Variants in CEP78 observed in about 807,000 individuals in gnomAD.
CEP78 encodes the protein centrosomal protein of 78 kDa.
A neutral mutation model predicts 81.2 loss-of-function variants in CEP78; 76 were observed. That is an observed-to-expected ratio of 0.94 (90% CI 0.78 to 1.13). The LOEUF (loss-of-function observed/expected upper bound fraction) is 1.13, where lower values mean the gene tolerates loss of function less well. CEP78 is among the 50% of genes most tolerant of loss of function. The pLI, the probability that CEP78 is intolerant of heterozygous loss-of-function variation, is 0.00. For synonymous variants in CEP78, 293 were observed against 301.4 expected (o/e 0.97, Z 0.29); for missense variants, 918 against 846.8 (o/e 1.08, Z -1.04).
rs1160938588 is a variant in CEP78, at chr9:78,273,981, T to C, written c.*3130T>C. 6.6e-6 allele frequency: 1 copy of C among 152,220 alleles called. No homozygotes were observed. The highest frequency in any genetic ancestry group is 1.5e-5 in the Non-Finnish European group (1 of 68,044). The allele number at this position is 152,220 out of a possible 1,614,324, so 9.4% of individuals were successfully genotyped here. On this transcript the variant is annotated 3_prime_UTR_variant, in exon 17 of 17. Transcript: ENST00000643273. ...AATGACTCAGTCACTCAAAACAGTT[T>C]GGCAGATTCTTTAAATGCTAACATA...
rs1042865485 is a variant in CEP78 at position 78,275,043 on chromosome 9, TAAAG to T, written c.*4196_*4199del. 1.3e-5 allele frequency: 2 copies of T among 151,658 alleles called. No individual in the cohort carries two copies. The highest frequency in any genetic ancestry group is 2.9e-5 in the Non-Finnish European group (2 of 67,878). 9.4% of individuals were successfully genotyped at this position (151,658 alleles called of 1,614,324 possible). On this transcript the variant is annotated 3_prime_UTR_variant, in exon 17 of 17. Transcript: ENST00000643273. ...AAAGATAAACCTTTGTAAAATATGA[TAAAG>T]AAAAAAAAGCAAGAAGTAATTAACA...
chr9:78,265,789 A>T, intron 14 of CEP78, 70 bp from the exon 15 acceptor site: 2 of 857,676 alleles, frequency 2.3e-6, no homozygotes, highest in Non-Finnish European at 3.8e-6. Flanking sequence ...CAGTGAAGAA[A>T]TGAAAGATTA....
intron 11 of CEP78, among the ~76,000 whole-genome samples, chr9:78,258,247 A>G (rs983884010): frequency 2.0e-5 from 3 of 152,298 alleles, no homozygotes; most frequent in East Asian, 3.9e-4. Flanking sequence ...TTAGAGTTGG[A>G]TCAGGGATTT....
chr9:78,260,986 C>G (rs1002925825), intron 11 of CEP78, among the ~76,000 whole-genome samples: 4 of 152,016 alleles, frequency 2.6e-5, no homozygotes, highest in African/African-American at 9.7e-5. Context: ...GAGTCTCGCT[C>G]TGTTGCCAGG....
chr9:78,276,773 A>G lies in CEP78; in HGVS notation c.*5922A>G, dbSNP rs1827813528. 6.6e-6 allele frequency: 1 copy of G among 152,226 alleles called. No individual in the cohort carries two copies. The highest frequency in any genetic ancestry group is 1.9e-4 in the East Asian group (1 of 5,204). The allele number at this position is 152,226 out of a possible 1,614,324, so 9.4% of individuals were successfully genotyped here. On this transcript the variant is annotated 3_prime_UTR_variant, in exon 17 of 17. Coordinates refer to ENST00000643273, the MANE Select transcript of CEP78 (RefSeq NM_001330691.3). ...AATCTATGCTAGAGGGTATAAAAGA[A>G]ACACAAAAATAGAGGTATGCCATGT...
intron 8 of CEP78, chr9:78,249,379 C>G (rs1826650420): frequency 6.6e-6 from 1 of 152,092 alleles, no homozygotes; most frequent in Non-Finnish European, 1.5e-5. Context: ...GATGAAATAA[C>G]CTTAAAATAT....
chr9:78,260,161 GA>G (rs748280451), intron 11 of CEP78, among the ~76,000 whole-genome samples: 3 of 152,190 alleles, frequency 2.0e-5, no homozygotes, highest in Non-Finnish European at 4.4e-5. Context: ...TAAAATCTTA[GA>G]AATCTTTTGG....
chr9:78,266,026 C>T (rs534248749), intron 15 of CEP78, 120 bp downstream of exon 15: 6 of 626,424 alleles, frequency 9.6e-6, no homozygotes, highest in African/African-American at 1.8e-5. Context: ...CACAGGAGTC[C>T]CCTGCTGCTT....
intron 4 of CEP78, 33 bp downstream of exon 4, chr9:78,241,832 G>C (rs758972075): frequency 8.6e-7 from 1 of 1,168,196 alleles, no homozygotes; most frequent in Non-Finnish European, 1.3e-6. Flanking sequence ...ATGAAAATGT[G>C]TTATATGATT....
intron 9 of CEP78, 47 bp downstream of exon 9, chr9:78,252,090 A>G (rs1183562633): frequency 6.7e-7 from 1 of 1,492,202 alleles, no homozygotes; most frequent in Non-Finnish European, 9.1e-7. Context: ...ATGGGATTCA[A>G]AATTCTTTAT....
At chr9:78,256,453 C>T (rs1475478398) in intron 11 of CEP78, among the ~76,000 whole-genome samples, 1 of 151,812 alleles carries the variant, frequency 6.6e-6, no homozygotes, top group African/African-American at 2.4e-5. Flanking sequence ...AATATCCTGC[C>T]ATACTGGCTA....
Position 78,273,925 on chromosome 9 carries a change from C to T in CEP78, c.*3074C>T, listed in dbSNP as rs914282377. ...AAATGCTGATAAATATGCAGAGCAA[C>T]TGGAGTTCCTCACAGCTGGTAGGAA... On this transcript the variant is annotated 3_prime_UTR_variant, in exon 17 of 17. Coordinates refer to ENST00000643273, the MANE Select transcript of CEP78 (RefSeq NM_001330691.3). 2.6e-5 allele frequency: 4 copies of T among 152,212 alleles called. No individual in the cohort carries two copies. The highest frequency in any genetic ancestry group is 9.6e-5 in the African/African-American group (4 of 41,454). The allele number at this position is 152,212 out of a possible 1,614,324, so 9.4% of individuals were successfully genotyped here. A position where few individuals can be genotyped will look rare whatever the true frequency, so the allele number is the denominator to read the frequency against.
In CEP78 at chr9:78,275,696, C is replaced by G. The variant is rs917104716; in HGVS notation, c.*4845C>G. On this transcript the variant is annotated 3_prime_UTR_variant, in exon 17 of 17. Transcript: ENST00000643273. ...CTGTAATCCCAGCACTTTGGGACAC[C>G]AAAGTGGGAACATTGCTGAGACCAG... The G allele has an allele frequency of 6.6e-6, 1 of 151,432 alleles. No individual in the cohort carries two copies. The highest frequency in any genetic ancestry group is 1.5e-5 in the Non-Finnish European group (1 of 67,974). 9.4% of individuals were successfully genotyped at this position (151,432 alleles called of 1,614,324 possible). A position where few individuals can be genotyped will look rare whatever the true frequency, so the allele number is the denominator to read the frequency against.
chr9:78,273,235 A>C lies in CEP78; in HGVS notation c.*2384A>C, dbSNP rs1254965890. Reference sequence around the variant, plus strand: ...AAAACATGAAATCCCACTGTGTGCTATTTGCAAAATCTAAAACGCTGTCAT... The same window carrying C: ...AAAACATGAAATCCCACTGTGTGCTCTTTGCAAAATCTAAAACGCTGTCAT... On this transcript the variant is annotated 3_prime_UTR_variant, in exon 17 of 17. Coordinates refer to ENST00000643273, the MANE Select transcript of CEP78 (RefSeq NM_001330691.3). The C allele has an allele frequency of 3.9e-5, 6 of 152,184 alleles. No individual in the cohort carries two copies. Among genetic ancestry groups the C allele is most frequent in the African/African-American group, 1.4e-4 (6 of 41,444 alleles). 9.4% of individuals were successfully genotyped at this position (152,184 alleles called of 1,614,324 possible). A position where few individuals can be genotyped will look rare whatever the true frequency, so the allele number is the denominator to read the frequency against.
intron 11 of CEP78, among the ~76,000 whole-genome samples, chr9:78,261,239 C>A (rs1387581311): frequency 1.3e-5 from 2 of 152,088 alleles, no homozygotes; most frequent in African/African-American, 4.8e-5. Context: ...CGTGCTCAGC[C>A]AGAATACTGT....
Position 78,247,227 on chromosome 9 carries a change from T to C in CEP78, c.892+445T>C, listed in dbSNP as rs140362279. Among the ~76,000 whole-genome samples, 9 of 152,254 alleles carry C rather than the reference T, an allele frequency of 5.9e-5. No homozygotes were observed. In the East Asian group the frequency reaches 1.7e-3, roughly 29 times the overall value. The stretch of plus-strand genomic sequence containing the variant: ...GTTATACGTAATGTAATTTAGATAG[T>C]AGGAAGTGCAAAAATACCGTAAGGT... On this transcript the variant is annotated intron_variant, in intron 6 of 16. Coordinates refer to ENST00000643273, the MANE Select transcript of CEP78 (RefSeq NM_001330691.3).
intron 5 of CEP78, among the ~76,000 whole-genome samples, chr9:78,244,253 A>T (rs529671042): frequency 6.8e-6 from 1 of 148,022 alleles, no homozygotes; most frequent in African/African-American, 2.5e-5. Context: ...TCCTCCCACT[A>T]TACCCTCCGA....
intron 8 of CEP78, chr9:78,249,244 AT>A (rs1469391337): frequency 7.6e-6 from 1 of 131,078 alleles, no homozygotes; most frequent in African/African-American, 2.9e-5. Flanking sequence ...ATGAAGAATT[AT>A]CCTTTCATAC....
intron 11 of CEP78, among the ~76,000 whole-genome samples, chr9:78,261,651 A>AT (rs536375347): frequency 4.7e-4 from 72 of 152,318 alleles, no homozygotes; most frequent in African/African-American, 1.5e-3. Flanking sequence ...CTTTGATGTG[A>AT]TTTTTAGAAC....
Sources: gnomAD v4.1 joint callset for allele counts (sites outside exome capture counted in the v4.1 genomes callset) on GRCh38, gnomAD v4.1.1 for gene constraint, MANE v1.5 for transcripts, NCBI Gene and HGNC (gene_info 2026-07-23, HGNC 2026-07-21) for gene names.